SPINK5: variants seen among roughly 807,000 people sequenced by gnomAD.
SPINK5 encodes serine peptidase inhibitor Kazal type 5, also known as serine protease inhibitor Kazal-type 5.
Under a neutral mutation model 151.8 loss-of-function variants are expected in SPINK5, and 125 were observed. The ratio of observed to expected loss-of-function variants is 0.82; its 90% CI spans 0.71 to 0.96. The LOEUF (loss-of-function observed/expected upper bound fraction) is 0.96, where lower values mean the gene tolerates loss of function less well. SPINK5 is among the 40% of genes least tolerant of loss of function. The probability of loss-of-function intolerance (pLI) is 0.00; values close to 1 mark genes in which losing one functional copy is unlikely to be tolerated. For missense variants in SPINK5, 1,194 were observed against 1,291.9 expected, an observed-to-expected ratio of 0.92 and a Z score of 1.16; for synonymous variants, 374 against 395.3, an observed-to-expected ratio of 0.95 and a Z score of 0.64.
Position 148,123,906 on chromosome 5 carries a change from G to A in SPINK5, c.2612G>A (p.Arg871Gln), listed in dbSNP as rs746572799. 10 of 1,613,828 alleles carry A rather than the reference G, an allele frequency of 6.2e-6. No individual in the cohort carries two copies. The highest frequency in any genetic ancestry group is 1.3e-5 in the African/African-American group (1 of 74,856). ...LICTRENNPV[R>Q]GPYGKMHINK... ...TGCACCAGAGAAAATAACCCTGTTCGAGGCCCATATGGCAAGATGCACATC... is the reference window on the plus strand; with the variant it reads ...TGCACCAGAGAAAATAACCCTGTTCAAGGCCCATATGGCAAGATGCACATC... The change falls in exon 27 of 33, where the codon CGA becomes CAA. Residue 871 changes from arginine to glutamine, a missense_variant. By Grantham distance (43) the Arg-to-Gln change is conservative (BLOSUM62 1). Coordinates refer to ENST00000256084, the MANE Select transcript of SPINK5 (RefSeq NM_006846.4).
intron 28 of SPINK5, among the ~76,000 whole-genome samples, chr5:148,125,184 G>C (rs1362957484): frequency 6.6e-6 from 1 of 152,144 alleles, no homozygotes; most frequent in Non-Finnish European, 1.5e-5. Flanking sequence ...TGGGTAGCTT[G>C]CTGATGTTTA....
chr5:148,131,607 T>C (rs1754575461), intron 31 of SPINK5, among the ~76,000 whole-genome samples: 1 of 152,210 alleles, frequency 6.6e-6, no homozygotes, highest in South Asian at 2.1e-4. Context: ...TACATTGTTA[T>C]ATGCTCTACT....
At chr5:148,081,358 ATCCAAATG>A (rs1397721590) in intron 4 of SPINK5, among the ~76,000 whole-genome samples, 1 of 151,756 alleles carries the variant, frequency 6.6e-6, no homozygotes, top group Non-Finnish European at 1.5e-5. Context: ...ACTAAAAACA[ATCCAAATG>A]TCCAAATGTC....
Position 148,120,043 on chromosome 5 carries a change from A to G in SPINK5, c.2348A>G (p.Asn783Ser). ...TCDEFRSQMK[N>S]GKLICTRESD... is the part of the protein sequence containing the mutation. ...GATGAGTTTAGAAGCCAAATGAAAA[A>G]TGGAAAACTCATCTGCACTCGAGAA... The change falls in exon 25 of 33, where the codon AAT becomes AGT. Residue 783 changes from asparagine (N) to serine (S), a missense_variant. Asn to Ser is a conservative substitution (Grantham distance 46). Coordinates refer to ENST00000256084, the MANE Select transcript of SPINK5 (RefSeq NM_006846.4). 1 of 1,614,062 alleles carries G rather than the reference A, an allele frequency of 6.2e-7. No homozygotes were observed. The highest frequency in any genetic ancestry group is 1.1e-5 in the South Asian group (1 of 91,078).
chr5:148,105,728 T>G (rs1242517008), intron 16 of SPINK5, among the ~76,000 whole-genome samples: 1 of 151,938 alleles, frequency 6.6e-6, no homozygotes, highest in Non-Finnish European at 1.5e-5. Context: ...GTGATTCTCC[T>G]GCCTCAGCCT....
In SPINK5 at chr5:148,133,791, T is replaced by C. The variant is rs766558047; in HGVS notation, c.3096-6T>C. The C allele has an allele frequency of 2.5e-5, 40 of 1,613,630 alleles. No individual in the cohort carries two copies. Among genetic ancestry groups the C allele is most frequent in the Admixed American group, 1.0e-4 (6 of 59,954 alleles). ...CGTTGTTGAAGCATCCTCTGATCTG[T>C]TTTAGGATACGCCAAACAAATACAC... is the stretch of plus-strand genomic sequence containing the variant. On this transcript the variant is annotated splice_region_variant and splice_polypyrimidine_tract_variant and intron_variant, in intron 31 of 32. Coordinates refer to ENST00000256084, the MANE Select transcript of SPINK5 (RefSeq NM_006846.4).
intron 23 of SPINK5, 73 bp from the exon 24 acceptor site, chr5:148,118,913 C>G (rs1025607325): frequency 1.4e-6 from 2 of 1,465,882 alleles, no homozygotes; most frequent in Non-Finnish European, 1.9e-6. Context: ...GTCATTTGCA[C>G]GGGACACACT....
intron 8 of SPINK5, 123 bp from the exon 9 acceptor site, chr5:148,094,231 G>A: frequency 9.5e-7 from 1 of 1,056,610 alleles, no homozygotes; most frequent in Non-Finnish European, 1.4e-6. Flanking sequence ...GAGGTTAGAG[G>A]CTTCACTGAG....
Position 148,137,013 on chromosome 5 carries a change from T to C in SPINK5, c.*22T>C. ...ATGACAGGAAGATTGTTGAAAGCCA[T>C]GAGGGAAAAAATAAACCCCAGTTCT... On this transcript the variant is annotated 3_prime_UTR_variant, in exon 33 of 33. Coordinates refer to ENST00000256084, the MANE Select transcript of SPINK5 (RefSeq NM_006846.4). 4.3e-6 allele frequency: 7 copies of C among 1,613,582 alleles called. No individual in the cohort carries two copies. Among genetic ancestry groups the C allele is most frequent in the Non-Finnish European group, 5.9e-6 (7 of 1,179,598 alleles).
intron 4 of SPINK5, among the ~76,000 whole-genome samples, chr5:148,079,345 G>C (rs1177545122): frequency 6.6e-6 from 1 of 151,006 alleles, no homozygotes; most frequent in Non-Finnish European, 1.5e-5. Context: ...ATACTGAAAG[G>C]AGAAATAATA....
chr5:148,083,959 T>C (rs1161377205), intron 4 of SPINK5, among the ~76,000 whole-genome samples: 1 of 151,842 alleles, frequency 6.6e-6, no homozygotes, highest in Admixed American at 6.6e-5. Context: ...AGATTTATTA[T>C]CATTTGAATA....
At chr5:148,128,057 G>A (rs1199246543) in intron 30 of SPINK5, among the ~76,000 whole-genome samples, 2 of 152,114 alleles carry the variant, frequency 1.3e-5, no homozygotes, top group Admixed American at 1.3e-4. Flanking sequence ...CCCAGAAAAG[G>A]AGAAAGAAAG....
intron 2 of SPINK5, 35 bp downstream of exon 2, chr5:148,065,407 C>G: frequency 6.2e-7 from 1 of 1,611,614 alleles, no homozygotes; most frequent in Non-Finnish European, 8.5e-7. Flanking sequence ...TGAATTCATT[C>G]CAAGATTCCC....
intron 26 of SPINK5, among the ~76,000 whole-genome samples, chr5:148,122,570 G>A (rs1392509480): frequency 1.3e-5 from 2 of 151,848 alleles, no homozygotes; most frequent in Admixed American, 6.6e-5. Flanking sequence ...CTGTAGACTC[G>A]GTTCTATTGG....
rs760839317 is a variant in SPINK5 at position 148,108,878 on chromosome 5, G to T, written c.1692+41G>T. The T allele has an allele frequency of 6.8e-6, 11 of 1,607,758 alleles. No homozygotes were observed. The South Asian group carries it at 8.8e-5, about 13-fold the overall frequency. On this transcript the variant is annotated intron_variant, in intron 18 of 32. Coordinates refer to ENST00000256084, the MANE Select transcript of SPINK5 (RefSeq NM_006846.4). ...CATCAGAGCCACATAAATATTCAAC[G>T]ATCACTCTCCCTAGGGAGGGCTCCT...
chr5:148,095,815 C>T lies in SPINK5; in HGVS notation c.795-3C>T. The T allele has an allele frequency of 6.2e-7, 1 of 1,610,876 alleles. No homozygotes were observed. The highest frequency in any genetic ancestry group is 8.5e-7 in the Non-Finnish European group (1 of 1,177,920). ...CTCTACTCATTTATTTTACTTTTTC[C>T]AGCAAGCAGCGTTTTTCAGAGGAAA... On this transcript the variant is annotated splice_polypyrimidine_tract_variant and splice_region_variant and intron_variant, in intron 9 of 32. Coordinates refer to ENST00000256084, the MANE Select transcript of SPINK5 (RefSeq NM_006846.4).
intron 8 of SPINK5, among the ~76,000 whole-genome samples, chr5:148,092,315 GA>G (rs1193042610): frequency 6.6e-6 from 1 of 151,874 alleles, no homozygotes; most frequent in Non-Finnish European, 1.5e-5. Context: ...TTACATTTAG[GA>G]AAACTAAGTA....
chr5:148,116,179 A>C (rs1754084241), intron 21 of SPINK5, among the ~76,000 whole-genome samples, 191 bp from the exon 22 acceptor site: 1 of 151,910 alleles, frequency 6.6e-6, no homozygotes, highest in South Asian at 2.1e-4. Flanking sequence ...TTTTAATGAG[A>C]CCCTTCCTGG....
Position 148,125,813 on chromosome 5 carries a change from T to G in SPINK5, c.2830T>G (p.Phe944Val), listed in dbSNP as rs1169533706. Residue 944 changes from phenylalanine (F) to valine (V), a missense_variant, in exon 29 of 33, where the codon TTC becomes GTC. Coordinates refer to ENST00000256084, the MANE Select transcript of SPINK5 (RefSeq NM_006846.4). The part of the protein sequence containing the change: ...NDPVHGADGK[F>V]YTNKCYMCRA... ...CCCAGTGCACGGTGCTGATGGAAAGTTCTATACAAACAAGTGCTACATGTG... is the reference window on the plus strand; with the variant it reads ...CCCAGTGCACGGTGCTGATGGAAAGGTCTATACAAACAAGTGCTACATGTG... The G allele has an allele frequency of 6.2e-7, 1 of 1,614,094 alleles. No individual in the cohort carries two copies. Among genetic ancestry groups the G allele is most frequent in the African/African-American group, 1.3e-5 (1 of 74,928 alleles).
Sources: allele counts gnomAD v4.1 joint callset (sites outside exome capture counted in the v4.1 genomes callset), GRCh38; gene constraint gnomAD v4.1.1; transcripts MANE v1.5; gene names NCBI Gene and HGNC (gene_info 2026-07-23, HGNC 2026-07-21).